FLT4: variants seen among roughly 807,000 people sequenced by gnomAD.
FLT4 encodes fms related receptor tyrosine kinase 4, also known as vascular endothelial growth factor receptor 3.
FLT4 carries 30 observed loss-of-function variants against 163.2 expected under a neutral mutation model. The observed-to-expected ratio is 0.18, with a 90% CI of 0.14 to 0.25. The LOEUF is 0.25. Among genes scored for constraint, FLT4 ranks in the 10% least tolerant of loss-of-function variants. The pLI is 1.00. For missense variants in FLT4, 1,510 were observed against 1,863.8 expected (o/e 0.81, Z 3.50); for synonymous variants, 884 against 789.5 (o/e 1.12, Z -2.01).
rs773249416 is a variant in FLT4 at position 180,621,822 on chromosome 5, G to T, written c.1740C>A (p.Ala580=). The change falls in exon 13 of 30, where the codon GCC becomes GCA. Residue 580 remains alanine, a synonymous_variant. Coordinates refer to ENST00000261937, the MANE Select transcript of FLT4 (RefSeq NM_182925.5). ...EGQPVLLSCQ[A]DSYKYEHLRW... ...GCAGATGCTCGTACTTGTAGCTGTC[G>T]GCTTGGCAGCTCAGGAGCACCGGCT... 1.9e-6 allele frequency: 3 copies of T among 1,613,290 alleles called. No individual in the cohort carries two copies. The highest frequency in any genetic ancestry group is 1.3e-5 in the African/African-American group (1 of 75,050).
At chr5:180,628,273 G>GC (rs996668344) in intron 8 of FLT4, among the ~76,000 whole-genome samples, 4 of 152,130 alleles carry the variant, frequency 2.6e-5, no homozygotes, top group South Asian at 2.1e-4. Flanking sequence ...GGGGTGCCAT[G>GC]CCCCCCCAGA....
In FLT4 at chr5:180,624,003, T is replaced by C. The variant is rs307826; in HGVS notation, c.1480A>G (p.Thr494Ala). Residue 494 changes from threonine to alanine, a missense_variant, in exon 11 of 30, where the codon ACG becomes GCG. By Grantham distance (58) the Thr-to-Ala change is moderately conservative (BLOSUM62 0). Coordinates refer to ENST00000261937, the MANE Select transcript of FLT4 (RefSeq NM_182925.5). Reference protein sequence around the residue: ...PQCRDWRAVTTQDAVNPIESL... With the variant: ...PQCRDWRAVTAQDAVNPIESL... Reference sequence around the variant, plus strand: ...TCGATGGGGTTCACGGCATCCTGCGTGGTCACCGCCCTCCAGTCACGGCAC... The same window carrying C: ...TCGATGGGGTTCACGGCATCCTGCGCGGTCACCGCCCTCCAGTCACGGCAC... 170,275 of 1,613,348 alleles carry C rather than the reference T, an allele frequency of 0.11. 9,742 individuals carry two copies. Among genetic ancestry groups the C allele is most frequent in the Non-Finnish European group, 0.12 (140,772 of 1,179,926 alleles).
intron 1 of FLT4, among the ~76,000 whole-genome samples, chr5:180,632,728 C>T (rs1020602366): frequency 6.6e-6 from 1 of 152,000 alleles, no homozygotes; most frequent in East Asian, 1.9e-4. Context: ...TGGCTTCCTG[C>T]GTATGTGCAA....
In FLT4 at chr5:180,603,124, G is replaced by A. The variant is rs900565725; in HGVS notation, c.*68C>T. 1.1e-5 allele frequency: 17 copies of A among 1,498,300 alleles called. No individual in the cohort carries two copies. The African/African-American group carries it at 2.2e-4, about 19-fold the overall frequency. The allele number at this position is 1,498,300 out of a possible 1,614,324, so 92.8% of individuals were successfully genotyped here. A position where few individuals can be genotyped will look rare whatever the true frequency, so the allele number is the denominator to read the frequency against. On this transcript the variant is annotated 3_prime_UTR_variant, in exon 30 of 30. Coordinates refer to ENST00000261937, the MANE Select transcript of FLT4 (RefSeq NM_182925.5). ...TCAACCAGATGAGTTCCCAGCCTGG[G>A]CCTCCAGCCCTCTGCCCGCCCTGCC...
At chr5:180,646,472 C>A (rs749199211) in intron 1 of FLT4, among the ~76,000 whole-genome samples, 1 of 152,220 alleles carries the variant, frequency 6.6e-6, no homozygotes, top group Non-Finnish European at 1.5e-5. Context: ...ACTTGCCTGT[C>A]TCTGGGGCTT....
intron 8 of FLT4, among the ~76,000 whole-genome samples, chr5:180,628,259 G>C (rs76318460): frequency 2.0e-5 from 3 of 152,298 alleles, no homozygotes; most frequent in Admixed American, 6.5e-5. Context: ...GGACGTGTTT[G>C]TGAGGGGTGC....
rs142130840 is a variant in FLT4 at position 180,625,982 on chromosome 5, C to G, written c.1308G>C (p.Ser436=). 7 of 1,612,676 alleles carry G rather than the reference C, an allele frequency of 4.3e-6. No individual in the cohort carries two copies. Among genetic ancestry groups the G allele is most frequent in the Non-Finnish European group, 5.9e-6 (7 of 1,179,936 alleles). ...EKEASSPSIY[S]RHSRQALTCT... ...AGGTGAGGGCCTGGCGGCTGTGACG[C>G]GAGTAGATGCTGGGGGAGGAGGCCT... is the stretch of plus-strand genomic sequence containing the variant. Residue 436 remains serine, a synonymous_variant, in exon 10 of 30, where the codon TCG becomes TCC. Coordinates refer to ENST00000261937, the MANE Select transcript of FLT4 (RefSeq NM_182925.5).
At chr5:180,626,749 C>T (rs182829756) in intron 8 of FLT4, among the ~76,000 whole-genome samples, 20 of 152,342 alleles carry the variant, frequency 1.3e-4, no homozygotes, top group Admixed American at 4.6e-4. Context: ...GCAGTCCCTG[C>T]GAGCACAGTC....
In FLT4 at chr5:180,621,844, G is replaced by A. The variant is rs1412869077; in HGVS notation, c.1718C>T (p.Pro573Leu). Residue 573 changes from proline to leucine, a missense_variant, in exon 13 of 30, where the codon CCG (proline) becomes CTG (leucine). This residue lies in a region of FLT4 where 878 missense variants were observed against 1,016.7 expected (regional missense o/e 0.86). Transcript: ENST00000261937. ...GTCGGCTTGGCAGCTCAGGAGCACC[G>A]GCTGGCCCTCTAGTAGCTCCTCGGA... ...KPSEELLEGQ[P>L]VLLSCQADSY... The A allele has an allele frequency of 5.0e-6, 8 of 1,613,320 alleles. No homozygotes were observed. The highest frequency in any genetic ancestry group is 6.8e-6 in the Non-Finnish European group (8 of 1,179,956).
At chr5:180,631,177 A>C (rs1013146564) in intron 2 of FLT4, among the ~76,000 whole-genome samples, 5 of 151,840 alleles carry the variant, frequency 3.3e-5, no homozygotes, top group African/African-American at 1.2e-4. Flanking sequence ...CCCCATATGA[A>C]ATGCTGATGG....
At position 180,620,181 on chromosome 5, in the gene FLT4, A is replaced by G; in HGVS notation, c.2534T>C (p.Leu845Pro). The G allele has an allele frequency of 6.2e-7, 1 of 1,606,276 alleles. No individual in the cohort carries two copies. Residue 845 changes from leucine to proline, a missense_variant, in exon 17 of 30, where the codon CTG (leucine) becomes CCG (proline). Leu to Pro is a moderately conservative substitution (Grantham distance 98). This residue lies in a region of FLT4 where 878 missense variants were observed against 1,016.7 expected (regional missense o/e 0.86). Coordinates refer to ENST00000261937, the MANE Select transcript of FLT4 (RefSeq NM_182925.5). The surrounding 1 kb of genome is among the most constrained non-coding windows in gnomAD (Gnocchi z 4.4). ...GCTGGTGCTGGCCTCACCCAGGTGC[A>G]GCCGCTCTCGGGGGAATTCCCACTG... ...ASQWEFPRER[L>P]HLGRVLGYGA...
rs935819804 is a variant in FLT4, at chr5:180,611,377, C to T, written c.3640G>A (p.Ala1214Thr). 7 of 1,613,860 alleles carry T rather than the reference C, an allele frequency of 4.3e-6. No individual in the cohort carries two copies. Among genetic ancestry groups the T allele is most frequent in the East Asian group, 4.5e-5 (2 of 44,890 alleles). ...TGCAGGCTTGGCGGGCTGTCCTCAG[C>T]GTCAGCCTGGGCGATGTGTAGGGCC... ...TMALHIAQADAEDSPPSLQRH... is the reference protein window; with the variant it reads ...TMALHIAQADTEDSPPSLQRH... Residue 1214 changes from alanine (A) to threonine (T), a missense_variant, in exon 27 of 30, where the codon GCT (alanine) becomes ACT (threonine). Around this residue, in one of 5 missense-constraint regions of FLT4, gnomAD observed 295 missense variants for 311.0 expected, o/e 0.95. Coordinates refer to ENST00000261937, the MANE Select transcript of FLT4 (RefSeq NM_182925.5).
rs759864995 is a variant in FLT4, at chr5:180,620,338, C to A, written c.2407-30G>T. ...GGGGAGGGGACAGGGAGGAGTGGGG[C>A]AGCTCACTGATTTGGCCATACCACT... On this transcript the variant is annotated intron_variant, in intron 16 of 29. Coordinates refer to ENST00000261937, the MANE Select transcript of FLT4 (RefSeq NM_182925.5). This position sits in a 1 kb window ranked among gnomAD's most constrained non-coding sequence, Gnocchi z 4.4. 6.2e-7 allele frequency: 1 copy of A among 1,607,974 alleles called. No homozygotes were observed. Among genetic ancestry groups the A allele is most frequent in the African/African-American group, 1.3e-5 (1 of 74,984 alleles).
intron 24 of FLT4, 59 bp downstream of exon 24, chr5:180,614,009 G>T: frequency 8.2e-7 from 1 of 1,217,572 alleles, no homozygotes; most frequent in Non-Finnish European, 1.2e-6. Context: ...GGGCGGTCAT[G>T]TAACCTGCCG....
At chr5:180,609,146 C>T in intron 28 of FLT4, 93 bp from the exon 29 acceptor site, 3 of 1,044,702 alleles carry the variant, frequency 2.9e-6, no homozygotes, top group Non-Finnish European at 1.5e-6. Flanking sequence ...CATGGTCCTG[C>T]AGCGCGGCTG....
intron 29 of FLT4, among the ~76,000 whole-genome samples, chr5:180,606,904 A>AAAC (rs1554107727): frequency 7.4e-4 from 91 of 122,668 alleles, no homozygotes; most frequent in South Asian, 2.1e-3. Flanking sequence ...AAAAAAAAAA[A>AAAC]AAAAAAAAAA....
chr5:180,619,556 G>A, intron 18 of FLT4, 109 bp downstream of exon 18: 1 of 1,050,186 alleles, frequency 9.5e-7, no homozygotes, highest in South Asian at 1.3e-5. Context: ...TCTCGGATGA[G>A]ACTGGCTTCC....
intron 1 of FLT4, among the ~76,000 whole-genome samples, chr5:180,634,649 C>A (rs1322422122): frequency 7.7e-6 from 1 of 130,656 alleles, no homozygotes; most frequent in East Asian, 2.2e-4. Flanking sequence ...GAGTGGAGAT[C>A]GCACCACTGC....
At chr5:180,633,765 G>A (rs1764347122) in intron 1 of FLT4, among the ~76,000 whole-genome samples, 1 of 152,212 alleles carries the variant, frequency 6.6e-6, no homozygotes, top group East Asian at 1.9e-4. Flanking sequence ...CTACAGAGGA[G>A]GGATGATGAG....
Sources: allele counts gnomAD v4.1 joint callset (sites outside exome capture counted in the v4.1 genomes callset), GRCh38; gene constraint gnomAD v4.1.1; regional missense constraint gnomAD v4.1.1; non-coding constraint Gnocchi (gnomAD v3.1); transcripts MANE v1.5; gene names NCBI Gene and HGNC (gene_info 2026-07-23, HGNC 2026-07-21).